The following HSF1 variants were observed in gnomAD, a reference collection of about 807,000 sequenced individuals.
HSF1 encodes the protein heat shock factor protein 1.
HSF1 carries 32 observed loss-of-function variants against 51.7 expected under a neutral mutation model. The ratio of observed to expected loss-of-function variants is 0.62; its 90% CI spans 0.47 to 0.83. The LOEUF (loss-of-function observed/expected upper bound fraction) is 0.83, where lower values mean the gene tolerates loss of function less well. Among genes scored for constraint, HSF1 ranks in the 40% least tolerant of loss-of-function variants. HSF1 has a pLI of 0.00. For missense variants in HSF1, 727 were observed against 717.0 expected (o/e 1.01, Z -0.16); for synonymous variants, 396 against 309.7 (o/e 1.28, Z -2.92).
intron 1 of HSF1, among the ~76,000 whole-genome samples, chr8:144,308,212 G>T (rs1301193733): frequency 6.6e-6 from 1 of 152,034 alleles, no homozygotes; most frequent in Non-Finnish European, 1.5e-5. Flanking sequence ...CCCCTTCCCC[G>T]CCGTGTGGGC....
chr8:144,314,036 A>G lies in HSF1; in HGVS notation c.1366A>G (p.Asn456Asp), dbSNP rs201606037. The change falls in exon 12 of 13, where the codon AAC (asparagine) becomes GAC (aspartate). Residue 456 changes from asparagine to aspartate, a missense_variant. By Grantham distance (23) the Asn-to-Asp change is conservative. Around this residue, in one of 2 missense-constraint regions of HSF1, gnomAD observed 470 missense variants for 398.8 expected, o/e 1.18. Coordinates refer to ENST00000528838, the MANE Select transcript of HSF1 (RefSeq NM_005526.4). ...QEPPRPPEAENSSPDSGKQLV... is the reference protein window; with the variant it reads ...QEPPRPPEAEDSSPDSGKQLV... ...GCCCCCCAGGCCTCCCGAGGCAGAG[A>G]ACAGCAGCCCGGATTCAGGTGAGCC... The G allele has an allele frequency of 3.4e-5, 54 of 1,608,060 alleles. No homozygotes were observed. The African/African-American group carries it at 6.0e-4, about 18-fold the overall frequency.
chr8:144,304,002 G>T (rs1564616233), intron 1 of HSF1, among the ~76,000 whole-genome samples: 1 of 152,230 alleles, frequency 6.6e-6, no homozygotes, highest in Non-Finnish European at 1.5e-5. Flanking sequence ...TGAGGCTTGG[G>T]CAAGGTGGAG....
At chr8:144,296,737 G>A (rs1435227517) in intron 1 of HSF1, among the ~76,000 whole-genome samples, 2 of 152,018 alleles carry the variant, frequency 1.3e-5, no homozygotes, top group Admixed American at 1.3e-4. Flanking sequence ...AACCCAGGAG[G>A]CGGGGCTTGC....
intron 1 of HSF1, among the ~76,000 whole-genome samples, chr8:144,298,598 C>CAA (rs369577549): frequency 1.5e-3 from 204 of 139,628 alleles, no homozygotes; most frequent in African/African-American, 2.2e-3. Context: ...GAAACTGTCT[C>CAA]AAAAAAAAAA....
intron 1 of HSF1, among the ~76,000 whole-genome samples, chr8:144,307,860 C>T (rs1311424824): frequency 1.3e-5 from 2 of 152,182 alleles, no homozygotes; most frequent in Non-Finnish European, 2.9e-5. Context: ...AAATGCTCCC[C>T]GTGCTACTGT....
At chr8:144,309,139 C>A in intron 2 of HSF1, 125 bp downstream of exon 2, 1 of 792,838 alleles carries the variant, frequency 1.3e-6, no homozygotes, top group Admixed American at 2.2e-5. Context: ...TGGCGTGGGA[C>A]CCTGCAAGCC....
At chr8:144,301,025 G>GA (rs1450178896) in intron 1 of HSF1, among the ~76,000 whole-genome samples, 1 of 152,210 alleles carries the variant, frequency 6.6e-6, no homozygotes, top group African/African-American at 2.4e-5. Context: ...TGTACAGGGA[G>GA]AAAAAGGACT....
At chr8:144,309,957 G>T (rs1816500198) in intron 4 of HSF1, 61 bp downstream of exon 4, 4 of 1,571,040 alleles carry the variant, frequency 2.5e-6, no homozygotes, top group Admixed American at 1.8e-5. Context: ...AGAGGCCCCG[G>T]GTGCTGTGGG....
At chr8:144,295,322 C>T (rs969111045) in intron 1 of HSF1, among the ~76,000 whole-genome samples, 2 of 152,250 alleles carry the variant, frequency 1.3e-5, no homozygotes, top group Non-Finnish European at 2.9e-5. Context: ...TTTGTCCCAT[C>T]TTTATTAACA....
intron 9 of HSF1, 151 bp from the exon 10 acceptor site, chr8:144,313,360 G>A (rs1158392702): frequency 5.6e-5 from 33 of 593,482 alleles, no homozygotes; most frequent in Non-Finnish European, 8.5e-5. Context: ...CTTCCAGGCC[G>A]TCCTCGAATG....
intron 1 of HSF1, among the ~76,000 whole-genome samples, chr8:144,308,110 C>T (rs1816341250): frequency 6.6e-6 from 1 of 152,224 alleles, no homozygotes; most frequent in African/African-American, 2.4e-5. Context: ...AGGGAGAAAC[C>T]TGCCCCACTG....
intron 1 of HSF1, among the ~76,000 whole-genome samples, chr8:144,301,815 A>C (rs895109076): frequency 1.5e-4 from 23 of 150,548 alleles, no homozygotes; most frequent in African/African-American, 4.9e-4. Context: ...CAGTGAGCCG[A>C]GATCGCACCA....
chr8:144,313,974 C>A lies in HSF1; in HGVS notation c.1315-11C>A. ...AGCGGGAGTGCTCACAATACCGTCTCCACCCCACAGATCCAAGAGCTCCTG... is the reference window on the plus strand; with the variant it reads ...AGCGGGAGTGCTCACAATACCGTCTACACCCCACAGATCCAAGAGCTCCTG... On this transcript the variant is annotated splice_polypyrimidine_tract_variant and intron_variant, in intron 11 of 12. Transcript: ENST00000528838. The A allele has an allele frequency of 6.2e-7, 1 of 1,611,140 alleles. No individual in the cohort carries two copies. Among genetic ancestry groups the A allele is most frequent in the Non-Finnish European group, 8.5e-7 (1 of 1,179,398 alleles).
Position 144,313,543 on chromosome 8 carries a change from A to T in HSF1, c.1175A>T (p.Asp392Val). The T allele has an allele frequency of 1.9e-6, 3 of 1,611,594 alleles. No individual in the cohort carries two copies. Among genetic ancestry groups the T allele is most frequent in the East Asian group, 2.2e-5 (1 of 44,834 alleles). Residue 392 changes from aspartate to valine, a missense_variant, in exon 10 of 13, where the codon GAC becomes GTC. Around this residue, in one of 2 missense-constraint regions of HSF1, gnomAD observed 470 missense variants for 398.8 expected, o/e 1.18. Transcript: ENST00000528838. ...CTCAGTGACCACTTGGATGCTATGG[A>T]CTCCAACCTGGATAACCTGCAGACC... Reference protein sequence around the residue: ...NELSDHLDAMDSNLDNLQTML... With the variant: ...NELSDHLDAMVSNLDNLQTML...
chr8:144,311,470 G>T (rs567393670), intron 6 of HSF1, 35 bp from the exon 7 acceptor site: 5 of 1,610,054 alleles, frequency 3.1e-6, no homozygotes, highest in Non-Finnish European at 4.2e-6. Flanking sequence ...ACCCCGAGGT[G>T]GGGGGTGGTG....
chr8:144,310,757 AC>A (rs375456138), intron 4 of HSF1: 138 of 218,878 alleles, frequency 6.3e-4, no homozygotes, highest in African/African-American at 2.9e-3. Context: ...GGCCCTGAGC[AC>A]CTACAGGACA....
intron 4 of HSF1, 73 bp from the exon 5 acceptor site, chr8:144,311,101 A>G (rs1588660011): frequency 7.2e-7 from 1 of 1,382,304 alleles, no homozygotes. Flanking sequence ...GGGGACAGGG[A>G]GGGTCTGTGG....
chr8:144,294,422 T>C (rs150655312), intron 1 of HSF1, among the ~76,000 whole-genome samples: 1 of 152,294 alleles, frequency 6.6e-6, no homozygotes, highest in East Asian at 1.9e-4. Flanking sequence ...TGCTGCCTTC[T>C]CTGGGAGAGT....
chr8:144,309,659 AG>A, intron 3 of HSF1, 68 bp downstream of exon 3: 1 of 1,106,652 alleles, frequency 9.0e-7, no homozygotes, highest in Middle Eastern at 2.5e-4. Flanking sequence ...CCCCTCCCTG[AG>A]GGCTCCCACC....
Sources: gnomAD v4.1 joint callset for allele counts (sites outside exome capture counted in the v4.1 genomes callset) on GRCh38, gnomAD v4.1.1 for gene constraint, gnomAD v4.1.1 regional missense constraint, MANE v1.5 for transcripts, NCBI Gene and HGNC (gene_info 2026-07-23, HGNC 2026-07-21) for gene names.